UTRN: variants seen among roughly 807,000 people sequenced by gnomAD.
The protein encoded by UTRN is utrophin.
In UTRN, 283 loss-of-function variants were observed where a neutral mutation model predicts 463.9. The observed-to-expected ratio is 0.61, with a 90% CI of 0.55 to 0.67. The LOEUF (loss-of-function observed/expected upper bound fraction) is 0.67, where lower values mean the gene tolerates loss of function less well. Ranked by LOEUF, UTRN falls within the 30% of genes least tolerant of loss-of-function variation. The pLI, the probability that UTRN is intolerant of heterozygous loss-of-function variation, is 0.00. For missense variants in UTRN, 3,922 were observed against 4,084.3 expected (o/e 0.96, Z 1.08); for synonymous variants, 1,442 against 1,431.5 (o/e 1.01, Z -0.17).
chr6:144,747,930 A>C (rs1790943855), intron 54 of UTRN, among the ~76,000 whole-genome samples: 1 of 152,232 alleles, frequency 6.6e-6, no homozygotes, highest in East Asian at 1.9e-4. Flanking sequence ...TATGATAAAG[A>C]AAAATTGGTT....
chr6:144,818,749 A>G (rs1779302374), intron 65 of UTRN, among the ~76,000 whole-genome samples: 1 of 152,130 alleles, frequency 6.6e-6, no homozygotes, highest in Non-Finnish European at 1.5e-5. Context: ...ATATCTCTAC[A>G]CTAAATTATC....
intron 48 of UTRN, among the ~76,000 whole-genome samples, chr6:144,552,881 A>G (rs1246819167): frequency 6.6e-6 from 1 of 152,230 alleles, no homozygotes; most frequent in Admixed American, 6.5e-5. Flanking sequence ...TTAACTGACA[A>G]GAGAACATTA....
chr6:144,541,271 C>G (rs542555799), intron 45 of UTRN, among the ~76,000 whole-genome samples: 2 of 152,268 alleles, frequency 1.3e-5, no homozygotes, highest in Admixed American at 6.5e-5. Context: ...CCACTGCTCT[C>G]TCTCCCCTAC....
At chr6:144,360,032 TTTCCCTTCCCTTCCCTTCCC>T (rs1340009283) in intron 2 of UTRN, among the ~76,000 whole-genome samples, 18 of 78,794 alleles carry the variant, frequency 2.3e-4, no homozygotes, top group South Asian at 8.6e-4. Context: ...TCTTTTCTTT[TTTCCCTTCCCTTCCCTTCCC>T]TTCCCTTCCC....
chr6:144,367,370 A>G (rs1779605936), intron 2 of UTRN, among the ~76,000 whole-genome samples: 1 of 151,968 alleles, frequency 6.6e-6, no homozygotes, highest in African/African-American at 2.4e-5. Flanking sequence ...ATAATTATAC[A>G]TACATTACTC....
intron 2 of UTRN, among the ~76,000 whole-genome samples, chr6:144,305,998 A>C (rs1322813359): frequency 6.6e-6 from 1 of 152,260 alleles, no homozygotes; most frequent in Non-Finnish European, 1.5e-5. Flanking sequence ...AAATAAAAAA[A>C]GCTTCCAATT....
At chr6:144,490,863 G>T in intron 31 of UTRN, 66 bp from the exon 32 acceptor site, 1 of 1,488,968 alleles carries the variant, frequency 6.7e-7, no homozygotes, top group Non-Finnish European at 9.0e-7. Flanking sequence ...AGTAGTATCT[G>T]TTATGCTCAT....
chr6:144,610,159 A>AG (rs1805331067), intron 51 of UTRN, among the ~76,000 whole-genome samples: 1 of 151,752 alleles, frequency 6.6e-6, no homozygotes, highest in East Asian at 1.9e-4. Context: ...TTTTTGAAAA[A>AG]AAAAAAATCA....
chr6:144,287,432 C>G (rs1803800444), intron 1 of UTRN, among the ~76,000 whole-genome samples: 2 of 152,158 alleles, frequency 1.3e-5, no homozygotes, highest in Non-Finnish European at 2.9e-5. Flanking sequence ...GCAGCAAACT[C>G]TTGTCCGCTT....
intron 54 of UTRN, among the ~76,000 whole-genome samples, chr6:144,734,717 G>T (rs1290322315): frequency 1.3e-5 from 2 of 152,204 alleles, no homozygotes; most frequent in South Asian, 2.1e-4. Flanking sequence ...CCCCTTGGAT[G>T]ATTGCAGGTT....
chr6:144,791,965 C>T (rs1250696257), intron 62 of UTRN, among the ~76,000 whole-genome samples: 1 of 152,084 alleles, frequency 6.6e-6, no homozygotes, highest in African/African-American at 2.4e-5. Context: ...AGACCTCTTC[C>T]CAGGGACTGG....
At chr6:144,362,050 A>G (rs552983475) in intron 2 of UTRN, among the ~76,000 whole-genome samples, 1 of 152,336 alleles carries the variant, frequency 6.6e-6, no homozygotes, top group South Asian at 2.1e-4. Flanking sequence ...CAACAAAAAA[A>G]GGAGTAAAAT....
intron 34 of UTRN, among the ~76,000 whole-genome samples, chr6:144,501,952 T>A (rs1236333765): frequency 6.6e-6 from 1 of 152,164 alleles, no homozygotes; most frequent in African/African-American, 2.4e-5. Flanking sequence ...AAAATACCGC[T>A]TTTTACTCTA....
intron 69 of UTRN, among the ~76,000 whole-genome samples, chr6:144,830,016 T>C (rs1277922078): frequency 6.6e-6 from 1 of 152,146 alleles, no homozygotes; most frequent in Non-Finnish European, 1.5e-5. Context: ...TGTAAAGTAG[T>C]TAAGTATCTT....
chr6:144,456,266 C>G (rs1371268278), intron 19 of UTRN, among the ~76,000 whole-genome samples: 3 of 152,106 alleles, frequency 2.0e-5, no homozygotes, highest in African/African-American at 7.2e-5. Flanking sequence ...CATCAAAAAG[C>G]CCACCATAGC....
chr6:144,827,606 T>G lies in UTRN; in HGVS notation c.9534-5T>G. ...AAATTATTGCTTTGTTTTTTTCTTT[T>G]AAAGCCCCTCACAATCTCCTCAACT... On this transcript the variant is annotated splice_polypyrimidine_tract_variant and splice_region_variant and intron_variant, in intron 67 of 74. Coordinates refer to ENST00000367545, the MANE Select transcript of UTRN (RefSeq NM_007124.3). The G allele has an allele frequency of 6.2e-7, 1 of 1,613,518 alleles. No homozygotes were observed. Among genetic ancestry groups the G allele is most frequent in the East Asian group, 2.2e-5 (1 of 44,824 alleles).
At chr6:144,754,860 T>C in intron 57 of UTRN, 62 bp downstream of exon 57, 4 of 1,500,290 alleles carry the variant, frequency 2.7e-6, no homozygotes, top group Non-Finnish European at 3.7e-6. Flanking sequence ...TCTTTCACTT[T>C]AATTGAAGAA....
intron 51 of UTRN, among the ~76,000 whole-genome samples, chr6:144,594,250 C>G (rs1051460078): frequency 6.6e-6 from 1 of 150,866 alleles, no homozygotes; most frequent in Non-Finnish European, 1.5e-5. Context: ...TAGAGCTTTG[C>G]TCTTAAAGTG....
At chr6:144,389,799 A>C (rs558611996) in intron 2 of UTRN, among the ~76,000 whole-genome samples, 11 of 152,126 alleles carry the variant, frequency 7.2e-5, no homozygotes, top group Non-Finnish European at 1.3e-4. Context: ...GGGTTTTACC[A>C]TGTTGGCCAG....
Sources: gnomAD v4.1 joint callset for allele counts (sites outside exome capture counted in the v4.1 genomes callset) on GRCh38, gnomAD v4.1.1 for gene constraint, MANE v1.5 for transcripts, NCBI Gene and HGNC (gene_info 2026-07-23, HGNC 2026-07-21) for gene names.